FRMPD4: variants seen among roughly 807,000 people sequenced by gnomAD.
FRMPD4 encodes the protein FERM and PDZ domain-containing protein 4.
A neutral mutation model predicts 94.1 loss-of-function variants in FRMPD4; 22 were observed. The observed-to-expected ratio is 0.23, with a 90% CI of 0.17 to 0.33. The LOEUF is 0.33. FRMPD4 is among the 10% of genes least tolerant of loss of function. The pLI is 1.00. For synonymous variants in FRMPD4, 631 were observed against 548.6 expected (o/e 1.15, Z -2.10); for missense variants, 1,111 against 1,339.9 (o/e 0.83, Z 2.67).
chrX:12,120,683 G>A (rs942359673), intron 3 of FRMPD4, among the ~76,000 whole-genome samples: 1 of 112,278 alleles, frequency 8.9e-6, no homozygotes, highest in Non-Finnish European at 1.9e-5. Context: ...GGATTCCAGA[G>A]TGACTAGGAT....
intron 2 of FRMPD4, among the ~76,000 whole-genome samples, chrX:12,533,226 C>A (rs996568927): frequency 2.7e-5 from 3 of 112,128 alleles, no homozygotes; most frequent in Non-Finnish European, 3.8e-5. Context: ...TGCACAAGCT[C>A]TCTTGTCTGC....
At chrX:11,846,551 A>G (rs1367109783) in intron 1 of FRMPD4, among the ~76,000 whole-genome samples, 1 of 109,179 alleles carries the variant, frequency 9.2e-6, no homozygotes, top group Admixed American at 9.8e-5. Flanking sequence ...ATATGGAACC[A>G]AAATAGAGCC....
chrX:11,944,239 A>G (rs1423360240), intron 3 of FRMPD4, among the ~76,000 whole-genome samples: 1 of 112,099 alleles, frequency 8.9e-6, no homozygotes, highest in Non-Finnish European at 1.9e-5. Context: ...CTGGAGTTTT[A>G]GGAGTGAAAG....
chrX:12,113,475 C>T (rs2086200540), intron 3 of FRMPD4, among the ~76,000 whole-genome samples: 1 of 111,658 alleles, frequency 9.0e-6, no homozygotes, highest in African/African-American at 3.3e-5. Context: ...TACCCACATT[C>T]CTTGGCTCTT....
At chrX:11,953,238 C>A (rs1269057562) in intron 3 of FRMPD4, among the ~76,000 whole-genome samples, 2 of 111,490 alleles carry the variant, frequency 1.8e-5, no homozygotes, top group African/African-American at 6.5e-5. Flanking sequence ...TCTATATTGT[C>A]AATGTCATTG....
intron 3 of FRMPD4, among the ~76,000 whole-genome samples, chrX:11,887,363 G>A (rs1051961849): frequency 9.0e-6 from 1 of 111,246 alleles, no homozygotes. Context: ...CAGACAACCT[G>A]CAGGCACCAC....
chrX:12,286,119 T>C (rs1423157590), intron 1 of FRMPD4, among the ~76,000 whole-genome samples: 1 of 112,131 alleles, frequency 8.9e-6, no homozygotes, highest in African/African-American at 3.2e-5. Flanking sequence ...TACATTTAGA[T>C]GCTTACTAAA....
chrX:12,489,230 G>A (rs919862489), intron 1 of FRMPD4, among the ~76,000 whole-genome samples: 1 of 111,689 alleles, frequency 9.0e-6, no homozygotes, highest in African/African-American at 3.3e-5. Flanking sequence ...ATACTTTTAG[G>A]ATTCTAAGTT....
At chrX:12,320,311 C>T (rs2055188838) in intron 1 of FRMPD4, among the ~76,000 whole-genome samples, 1 of 111,336 alleles carries the variant, frequency 9.0e-6, no homozygotes, top group Non-Finnish European at 1.9e-5. Flanking sequence ...CAGGGGACTT[C>T]TTCAAGGCCA....
chrX:12,316,971 T>G (rs905874078), intron 1 of FRMPD4, among the ~76,000 whole-genome samples: 21 of 111,971 alleles, frequency 1.9e-4, no homozygotes, highest in African/African-American at 6.8e-4. Context: ...ATCGTTAAAA[T>G]TTATATCCAG....
At chrX:12,466,334 A>G (rs1019718129) in intron 1 of FRMPD4, among the ~76,000 whole-genome samples, 6 of 112,303 alleles carry the variant, frequency 5.3e-5, no homozygotes, top group Non-Finnish European at 1.1e-4. Context: ...GAAAAAACAG[A>G]GCTGATACAT....
chrX:12,246,881 G>A (rs182340848), intron 1 of FRMPD4, among the ~76,000 whole-genome samples: 113 of 111,587 alleles, frequency 1.0e-3, no homozygotes, highest in African/African-American at 3.5e-3. Flanking sequence ...AGAAGGTGGT[G>A]AAAAATTCAG....
chrX:12,108,570 A>G (rs1357331593), intron 3 of FRMPD4, among the ~76,000 whole-genome samples: 5 of 112,098 alleles, frequency 4.5e-5, no homozygotes, highest in Non-Finnish European at 9.4e-5. Flanking sequence ...TTCACACATA[A>G]CAATATTAAC....
chrX:11,916,024 T>C (rs758101186), intron 3 of FRMPD4, among the ~76,000 whole-genome samples: 3 of 112,078 alleles, frequency 2.7e-5, no homozygotes, highest in African/African-American at 9.7e-5. Flanking sequence ...AGCAAATTAA[T>C]TCTGACCCAG....
At chrX:12,271,506 C>T (rs2054354523) in intron 1 of FRMPD4, among the ~76,000 whole-genome samples, 1 of 111,998 alleles carries the variant, frequency 8.9e-6, no homozygotes, top group Admixed American at 9.5e-5. Flanking sequence ...GTGGGATCAG[C>T]ACCTACTGTC....
intron 2 of FRMPD4, among the ~76,000 whole-genome samples, chrX:12,518,267 G>T (rs1381830775): frequency 8.9e-6 from 1 of 112,006 alleles, no homozygotes; most frequent in African/African-American, 3.2e-5. Context: ...CTGAGAATCT[G>T]CACAGCTATG....
chrX:12,004,916 A>G (rs1315768104), intron 3 of FRMPD4, among the ~76,000 whole-genome samples: 1 of 110,972 alleles, frequency 9.0e-6, no homozygotes, highest in East Asian at 2.8e-4. Flanking sequence ...TATAACCTTC[A>G]TCACCATCCC....
chrX:12,610,747 CAAA>C (rs61220147), intron 3 of FRMPD4, among the ~76,000 whole-genome samples: 3 of 83,056 alleles, frequency 3.6e-5, no homozygotes, highest in Non-Finnish European at 2.3e-5. Context: ...GACCCTGTCT[CAAA>C]AAAAAAAAAA....
At chrX:12,304,483 C>A (rs2054905068) in intron 1 of FRMPD4, among the ~76,000 whole-genome samples, 1 of 111,094 alleles carries the variant, frequency 9.0e-6, no homozygotes, top group Non-Finnish European at 1.9e-5. Flanking sequence ...TGCCTAATGT[C>A]CCCTGGGAGC....
Sources: allele counts gnomAD v4.1 joint callset (sites outside exome capture counted in the v4.1 genomes callset), GRCh38; gene constraint gnomAD v4.1.1; transcripts MANE v1.5; gene names NCBI Gene and HGNC (gene_info 2026-07-23, HGNC 2026-07-21).